The following DPP10 variants were observed in gnomAD, a reference collection of about 807,000 sequenced individuals.
The protein encoded by DPP10 is inactive dipeptidyl peptidase 10.
Under a neutral mutation model 120.9 loss-of-function variants are expected in DPP10, and 33 were observed. The observed-to-expected ratio is 0.27, with a 90% CI of 0.21 to 0.37. DPP10 has a LOEUF of 0.37. Ranked by LOEUF, DPP10 falls within the 10% of genes least tolerant of loss-of-function variation. The probability of loss-of-function intolerance (pLI) is 1.00; values close to 1 mark genes in which losing one functional copy is unlikely to be tolerated. For missense variants in DPP10, 816 were observed against 942.8 expected (o/e 0.87, Z 1.76); for synonymous variants, 337 against 326.1 (o/e 1.03, Z -0.36).
At chr2:115,628,160 C>T (rs1002800883) in intron 5 of DPP10, among the ~76,000 whole-genome samples, 1 of 152,154 alleles carries the variant, frequency 6.6e-6, no homozygotes. Context: ...ATTCCTATCT[C>T]TCCACAGCTT....
At chr2:115,703,736 G>A (rs1043087661) in intron 7 of DPP10, among the ~76,000 whole-genome samples, 4 of 151,908 alleles carry the variant, frequency 2.6e-5, no homozygotes, top group South Asian at 2.1e-4. Context: ...CCACAGCAAC[G>A]TCTAGACTAG....
At chr2:114,513,168 G>A (rs1224660318) in intron 1 of DPP10, among the ~76,000 whole-genome samples, 1 of 152,072 alleles carries the variant, frequency 6.6e-6, no homozygotes, top group Non-Finnish European at 1.5e-5. Context: ...TCTTAATTCT[G>A]TCTTCATTCT....
chr2:115,125,528 C>T (rs1191071406), intron 1 of DPP10, among the ~76,000 whole-genome samples: 1 of 149,488 alleles, frequency 6.7e-6, no homozygotes, highest in East Asian at 2.0e-4. Flanking sequence ...TCTTTGCTTC[C>T]TCAAATAGTG....
At chr2:115,833,444 G>C (rs1012881338) in intron 21 of DPP10, among the ~76,000 whole-genome samples, 1 of 152,084 alleles carries the variant, frequency 6.6e-6, no homozygotes, top group Non-Finnish European at 1.5e-5. Context: ...TTATGACAGA[G>C]AACTAGGAAC....
Position 114,775,329 on chromosome 2 carries a change from A to C in DPP10, c.60+332491A>C, listed in dbSNP as rs189618188. Among the ~76,000 whole-genome samples, 162 of 152,256 alleles carry C rather than the reference A, an allele frequency of 1.1e-3. 1 individual carries two copies. The highest frequency in any genetic ancestry group is 1.8e-3 in the Non-Finnish European group (120 of 68,014). ...AAGTCGTTATACTACTCAAGTTGAT[A>C]TCTTCCAATGTAGGTGTCTAAAAGC... On this transcript the variant is annotated intron_variant, in intron 1 of 25. Coordinates refer to ENST00000410059, the MANE Select transcript of DPP10 (RefSeq NM_020868.6).
chr2:114,664,874 C>G (rs917786352), intron 1 of DPP10, among the ~76,000 whole-genome samples: 3 of 149,978 alleles, frequency 2.0e-5, no homozygotes, highest in Admixed American at 6.6e-5. Flanking sequence ...CAAAAGATGG[C>G]ATAGAGCATC....
chr2:115,253,184 GCCACA>G (rs2058827254), intron 1 of DPP10, among the ~76,000 whole-genome samples: 1 of 152,028 alleles, frequency 6.6e-6, no homozygotes, highest in South Asian at 2.1e-4. Context: ...TGGGGGAGGT[GCCACA>G]CACTTTAAAC....
chr2:115,677,283 G>A (rs936092802), intron 5 of DPP10, among the ~76,000 whole-genome samples: 4 of 151,950 alleles, frequency 2.6e-5, no homozygotes, highest in Non-Finnish European at 4.4e-5. Context: ...AAATAAATGA[G>A]AAATAAAACA....
At chr2:114,998,246 T>A (rs1701223130) in intron 1 of DPP10, among the ~76,000 whole-genome samples, 1 of 152,234 alleles carries the variant, frequency 6.6e-6, no homozygotes, top group Admixed American at 6.5e-5. Context: ...AATAAGTATG[T>A]TAAAGGACCT....
At chr2:115,004,930 A>G (rs868163574) in intron 1 of DPP10, among the ~76,000 whole-genome samples, 3 of 152,070 alleles carry the variant, frequency 2.0e-5, no homozygotes, top group African/African-American at 7.2e-5. Flanking sequence ...CAGACAAACA[A>G]AAAGACAGCA....
intron 5 of DPP10, among the ~76,000 whole-genome samples, chr2:115,538,460 T>C (rs2078994807): frequency 6.6e-6 from 1 of 151,976 alleles, no homozygotes; most frequent in South Asian, 2.1e-4. Flanking sequence ...ATACTTATCA[T>C]AGTTTTGAAT....
chr2:114,661,546 A>G (rs1697403403), intron 1 of DPP10, among the ~76,000 whole-genome samples: 1 of 152,334 alleles, frequency 6.6e-6, no homozygotes, highest in Non-Finnish European at 1.5e-5. Context: ...TTCAGGCAAT[A>G]CAAGTCCACA....
chr2:115,017,684 A>G (rs1054622627), intron 1 of DPP10, among the ~76,000 whole-genome samples: 6 of 151,896 alleles, frequency 4.0e-5, no homozygotes, highest in African/African-American at 1.4e-4. Flanking sequence ...TAAAAAAATG[A>G]TGAGTTCATG....
intron 8 of DPP10, among the ~76,000 whole-genome samples, chr2:115,730,166 G>T (rs941169052): frequency 6.6e-6 from 1 of 152,198 alleles, no homozygotes; most frequent in Non-Finnish European, 1.5e-5. Flanking sequence ...AGAGTGGAAA[G>T]AAACGGTGAG....
chr2:115,121,568 T>C (rs1337267697), intron 1 of DPP10, among the ~76,000 whole-genome samples: 1 of 152,166 alleles, frequency 6.6e-6, no homozygotes, highest in African/African-American at 2.4e-5. Flanking sequence ...CTTTTTCCAG[T>C]GGCTGAGCTT....
intron 5 of DPP10, among the ~76,000 whole-genome samples, chr2:115,644,931 G>A (rs1321499366): frequency 6.6e-6 from 1 of 152,072 alleles, no homozygotes; most frequent in African/African-American, 2.4e-5. Flanking sequence ...ATATCAGCAT[G>A]CCTAACAACA....
chr2:115,531,163 T>TC (rs2078441703), intron 5 of DPP10, among the ~76,000 whole-genome samples: 1 of 151,660 alleles, frequency 6.6e-6, no homozygotes, highest in African/African-American at 2.4e-5. Context: ...TTTTTTTTTT[T>TC]CCTGAAACAG....
chr2:114,484,854 T>G (rs913374338), intron 1 of DPP10, among the ~76,000 whole-genome samples: 1 of 152,006 alleles, frequency 6.6e-6, no homozygotes, highest in Non-Finnish European at 1.5e-5. Flanking sequence ...TGTCTTCAGG[T>G]ATAGAGGTTT....
chr2:115,580,893 A>G (rs2081968674), intron 5 of DPP10, among the ~76,000 whole-genome samples: 2 of 152,170 alleles, frequency 1.3e-5, no homozygotes, highest in African/African-American at 4.8e-5. Flanking sequence ...TTAGCAACCC[A>G]GAGAAGTGTG....
Sources: gnomAD v4.1 joint callset for allele counts (sites outside exome capture counted in the v4.1 genomes callset) on GRCh38, gnomAD v4.1.1 for gene constraint, MANE v1.5 for transcripts, NCBI Gene and HGNC (gene_info 2026-07-23, HGNC 2026-07-21) for gene names.